SRPX: variants seen among roughly 807,000 people sequenced by gnomAD.
SRPX encodes sushi repeat-containing protein SRPX.
Under a neutral mutation model 38.1 loss-of-function variants are expected in SRPX, and 24 were observed. The ratio of observed to expected loss-of-function variants is 0.63; its 90% CI spans 0.46 to 0.89. SRPX has a LOEUF of 0.89. SRPX is among the 40% of genes least tolerant of loss of function. The probability of loss-of-function intolerance (pLI) is 0.00; values close to 1 mark genes in which losing one functional copy is unlikely to be tolerated. For synonymous variants in SRPX, 184 were observed against 153.8 expected (o/e 1.20, Z -1.45); for missense variants, 416 against 377.8 (o/e 1.10, Z -0.84).
At chrX:38,158,266 T>C (rs1938169996) in intron 7 of SRPX, among the ~76,000 whole-genome samples, 1 of 112,011 alleles carries the variant, frequency 8.9e-6, no homozygotes, top group Admixed American at 9.5e-5. Context: ...GGCGGTTTTA[T>C]AATAGGTCTT....
chrX:38,194,194 T>A (rs945928040), intron 1 of SRPX, among the ~76,000 whole-genome samples: 16 of 111,708 alleles, frequency 1.4e-4, no homozygotes, highest in Admixed American at 1.0e-3. Flanking sequence ...GTATAGGGAC[T>A]ACAAAGAAAA....
At chrX:38,208,810 C>T (rs893763628) in intron 1 of SRPX, among the ~76,000 whole-genome samples, 14 of 107,107 alleles carry the variant, frequency 1.3e-4, no homozygotes, top group Non-Finnish European at 2.5e-4. Flanking sequence ...CCTGAGTAGC[C>T]GGGACTACAG....
intron 1 of SRPX, among the ~76,000 whole-genome samples, chrX:38,218,225 T>TA (rs1176663702): frequency 1.8e-5 from 2 of 112,558 alleles, no homozygotes. Flanking sequence ...GAGGCCATGG[T>TA]ACTCATTCTC....
intron 4 of SRPX, 34 bp downstream of exon 4, chrX:38,171,847 C>A: frequency 3.3e-6 from 4 of 1,202,996 alleles, no homozygotes; most frequent in Non-Finnish European, 4.5e-6. Context: ...CCTCCCAAAG[C>A]AAGTGCCTCC....
chrX:38,158,729 C>T (rs927673105), intron 7 of SRPX, among the ~76,000 whole-genome samples: 1 of 111,561 alleles, frequency 9.0e-6, no homozygotes, highest in Admixed American at 9.5e-5. Flanking sequence ...ATCTGTAATC[C>T]CAGCACTTTG....
intron 1 of SRPX, among the ~76,000 whole-genome samples, chrX:38,218,363 C>G (rs73469688): frequency 8.9e-6 from 1 of 112,501 alleles, no homozygotes; most frequent in African/African-American, 3.2e-5. Context: ...CAAACACAGT[C>G]AAACACAAAC....
chrX:38,178,321 C>A lies in SRPX; in HGVS notation c.121G>T (p.Asp41Tyr). The change falls in exon 2 of 10, where the codon GAC becomes TAC. Residue 41 changes from aspartate (D) to tyrosine (Y), a missense_variant. Physicochemically the swap from Asp to Tyr is radical, Grantham distance 160 (BLOSUM62 -3). Transcript: ENST00000378533. Reference sequence around the variant, plus strand: ...GGGTGTGAATACCCGACTTCATCGTCTTCTAGTGGTGAGTCTCCCGATCCT... The same window carrying A: ...GGGTGTGAATACCCGACTTCATCGTATTCTAGTGGTGAGTCTCCCGATCCT... ...FPGSGDSPLE[D>Y]DEVGYSHPRY... The A allele has an allele frequency of 1.7e-6, 2 of 1,210,305 alleles. No individual in the cohort carries two copies. The highest frequency in any genetic ancestry group is 2.2e-6 in the Non-Finnish European group (2 of 894,645).
At chrX:38,209,588 A>G (rs1939279807) in intron 1 of SRPX, among the ~76,000 whole-genome samples, 1 of 111,697 alleles carries the variant, frequency 9.0e-6, no homozygotes, top group Non-Finnish European at 1.9e-5. Flanking sequence ...TCCCATGGAG[A>G]AAAGGGTCAC....
chrX:38,155,164 T>C (rs1478719206), intron 8 of SRPX, among the ~76,000 whole-genome samples: 1 of 111,948 alleles, frequency 8.9e-6, no homozygotes, highest in Admixed American at 9.4e-5. Flanking sequence ...ATGATGAATT[T>C]GGCTAAATGG....
chrX:38,201,647 G>A (rs1043391924), intron 1 of SRPX, among the ~76,000 whole-genome samples: 8 of 110,977 alleles, frequency 7.2e-5, no homozygotes, highest in African/African-American at 2.0e-4. Flanking sequence ...GTGAAACCCC[G>A]TCTCTACTAA....
At chrX:38,181,233 G>A (rs1938666888) in intron 1 of SRPX, among the ~76,000 whole-genome samples, 1 of 112,246 alleles carries the variant, frequency 8.9e-6, no homozygotes, top group Non-Finnish European at 1.9e-5. Context: ...AGGGCATAGA[G>A]GGAAAACAGG....
At chrX:38,172,608 A>ACGGAAACCTCATTC (rs1369373476) in intron 3 of SRPX, among the ~76,000 whole-genome samples, 1 of 112,584 alleles carries the variant, frequency 8.9e-6, no homozygotes, top group Non-Finnish European at 1.9e-5. Context: ...ATACGGATTT[A>ACGGAAACCTCATTC]TGTGCATGAG....
rs1478700448 is a variant in SRPX, at chrX:38,178,352, A to G, written c.98-8T>C. On this transcript the variant is annotated splice_polypyrimidine_tract_variant and splice_region_variant and intron_variant, in intron 1 of 9. Coordinates refer to ENST00000378533, the MANE Select transcript of SRPX (RefSeq NM_006307.5). ...GTGGTGAGTCTCCCGATCCTACAAT[A>G]AAAAAGAACAGAAACTGCAGCAAGA... is the stretch of plus-strand genomic sequence containing the variant. 4.2e-6 allele frequency: 5 copies of G among 1,204,515 alleles called. No individual in the cohort carries two copies. The highest frequency in any genetic ancestry group is 5.6e-6 in the Non-Finnish European group (5 of 889,683).
At chrX:38,182,092 T>C (rs1938683930) in intron 1 of SRPX, among the ~76,000 whole-genome samples, 1 of 112,574 alleles carries the variant, frequency 8.9e-6, no homozygotes, top group Admixed American at 9.4e-5. Flanking sequence ...AGGCAATTTC[T>C]ATGCACTATC....
At chrX:38,190,820 G>A (rs1364245603) in intron 1 of SRPX, among the ~76,000 whole-genome samples, 1 of 111,585 alleles carries the variant, frequency 9.0e-6, no homozygotes, top group African/African-American at 3.3e-5. Flanking sequence ...CTTTCTTTTG[G>A]AAAACTGCAT....
chrX:38,203,705 G>A (rs1244287697), intron 1 of SRPX, among the ~76,000 whole-genome samples: 2 of 112,205 alleles, frequency 1.8e-5, no homozygotes, highest in Non-Finnish European at 3.8e-5. Context: ...CTTGAACCTG[G>A]GAGGTGGAGG....
At chrX:38,198,319 T>C (rs1939035928) in intron 1 of SRPX, among the ~76,000 whole-genome samples, 1 of 111,855 alleles carries the variant, frequency 8.9e-6, no homozygotes, top group South Asian at 3.8e-4. Context: ...TTTCCCCTGC[T>C]GTAAAAGAAA....
chrX:38,193,119 G>A (rs758937693), intron 1 of SRPX, among the ~76,000 whole-genome samples: 8 of 111,472 alleles, frequency 7.2e-5, no homozygotes, highest in Non-Finnish European at 1.5e-4. Flanking sequence ...TAAGAGAGAA[G>A]AAATACCTAC....
At chrX:38,187,876 T>A (rs1938816463) in intron 1 of SRPX, among the ~76,000 whole-genome samples, 1 of 112,428 alleles carries the variant, frequency 8.9e-6, no homozygotes, top group African/African-American at 3.2e-5. Context: ...TATGCCTGAC[T>A]AGCAGGCAAG....
Sources: gnomAD v4.1 joint callset for allele counts (sites outside exome capture counted in the v4.1 genomes callset) on GRCh38, gnomAD v4.1.1 for gene constraint, MANE v1.5 for transcripts, NCBI Gene and HGNC (gene_info 2026-07-23, HGNC 2026-07-21) for gene names.